PRELID2: variants seen among roughly 807,000 people sequenced by gnomAD.
The protein encoded by PRELID2 is PRELI domain-containing protein 2.
A neutral mutation model predicts 28.4 loss-of-function variants in PRELID2; 25 were observed. The observed-to-expected ratio is 0.88, with a 90% CI of 0.64 to 1.23. PRELID2 has a LOEUF of 1.23. Among genes scored for constraint, PRELID2 ranks in the 50% most tolerant of loss-of-function variants. The probability of loss-of-function intolerance (pLI) is 0.00; values close to 1 mark genes in which losing one functional copy is unlikely to be tolerated. For missense variants in PRELID2, 201 were observed against 214.4 expected (o/e 0.94, Z 0.39); for synonymous variants, 76 against 71.6 (o/e 1.06, Z -0.31).
At chr5:145,299,545 T>G in the PRELID2 span, among the ~76,000 whole-genome samples, 1 of 152,084 alleles carries the variant, frequency 6.6e-6, no homozygotes, top group Admixed American at 6.6e-5. Flanking sequence ...TTCTCTGCAC[T>G]GTGTATGTCC....
the PRELID2 span, among the ~76,000 whole-genome samples, chr5:145,454,145 A>G: frequency 6.6e-6 from 1 of 152,232 alleles, no homozygotes; most frequent in East Asian, 1.9e-4. Context: ...TGACTTTTTA[A>G]TGATCCCCAT....
intron 1 of PRELID2, among the ~76,000 whole-genome samples, chr5:145,504,733 A>G (rs957779150): frequency 6.6e-6 from 1 of 152,160 alleles, no homozygotes; most frequent in African/African-American, 2.4e-5. Flanking sequence ...ATTTTCCTTC[A>G]TAGAAGAGGC....
chr5:145,488,177 T>A (rs1481973696), intron 1 of PRELID2, among the ~76,000 whole-genome samples: 1 of 149,280 alleles, frequency 6.7e-6, no homozygotes, highest in Non-Finnish European at 1.5e-5. Flanking sequence ...CACCTTTCCA[T>A]CCTTTCTGTT....
chr5:145,311,468 A>C, the PRELID2 span, among the ~76,000 whole-genome samples: 304 of 152,308 alleles, frequency 2.0e-3, 3 homozygotes, highest in African/African-American at 5.3e-3. Context: ...ATCAGTCCTA[A>C]TGAGTGCACA....
the PRELID2 span, among the ~76,000 whole-genome samples, chr5:145,402,850 G>A: frequency 2.0e-5 from 3 of 152,108 alleles, no homozygotes; most frequent in African/African-American, 7.2e-5. Flanking sequence ...GTTTATTTCA[G>A]GTAAGTCTTT....
At chr5:145,439,286 A>T in the PRELID2 span, among the ~76,000 whole-genome samples, 2 of 152,148 alleles carry the variant, frequency 1.3e-5, no homozygotes, top group East Asian at 3.9e-4. Context: ...TGTCTTTAGG[A>T]ATCGGATGAT....
chr5:145,705,896 T>A (rs886756453), intron 1 of PRELID2, among the ~76,000 whole-genome samples: 2 of 151,294 alleles, frequency 1.3e-5, no homozygotes, highest in Non-Finnish European at 2.9e-5. Flanking sequence ...TAAAATCCAA[T>A]CTTAGCTGTG....
chr5:145,748,599 T>G (rs1329295019), intron 1 of PRELID2, among the ~76,000 whole-genome samples: 1 of 152,192 alleles, frequency 6.6e-6, no homozygotes, highest in Non-Finnish European at 1.5e-5. Flanking sequence ...ACCATTGACA[T>G]TCTTCACAGA....
chr5:145,336,640 T>C, the PRELID2 span, among the ~76,000 whole-genome samples: 23 of 152,198 alleles, frequency 1.5e-4, no homozygotes, highest in African/African-American at 5.5e-4. Context: ...TATGTCTCTG[T>C]TGCTATAAAG....
chr5:145,776,302 AGATCAACC>A (rs1198109814), intron 5 of PRELID2, among the ~76,000 whole-genome samples: 4 of 152,252 alleles, frequency 2.6e-5, no homozygotes, highest in African/African-American at 4.8e-5. Flanking sequence ...CTGAGCTCTC[AGATCAACC>A]GTTGCAGTAT....
chr5:145,711,726 G>C (rs925086477), intron 1 of PRELID2, among the ~76,000 whole-genome samples: 3 of 151,824 alleles, frequency 2.0e-5, no homozygotes, highest in Non-Finnish European at 4.4e-5. Context: ...TTACGGCTGT[G>C]TGTTGGGTGG....
chr5:145,820,261 A>G (rs1050877330), intron 2 of PRELID2, among the ~76,000 whole-genome samples: 2 of 151,732 alleles, frequency 1.3e-5, no homozygotes, highest in East Asian at 3.9e-4. Flanking sequence ...TCAATTTTCT[A>G]TTTGCAAGAT....
chr5:145,300,909 C>A, the PRELID2 span, among the ~76,000 whole-genome samples: 1 of 151,742 alleles, frequency 6.6e-6, no homozygotes, highest in Non-Finnish European at 1.5e-5. Context: ...TAAGCCAAAC[C>A]TACAGAACAA....
chr5:145,586,808 A>G (rs960684732), intron 1 of PRELID2, among the ~76,000 whole-genome samples: 2 of 152,164 alleles, frequency 1.3e-5, no homozygotes, highest in African/African-American at 4.8e-5. Context: ...GAGAACTTAC[A>G]TAACTTGTTT....
the PRELID2 span, among the ~76,000 whole-genome samples, chr5:145,370,144 T>A: frequency 1.3e-5 from 2 of 152,122 alleles, no homozygotes; most frequent in African/African-American, 4.8e-5. Flanking sequence ...ATTTGTCAAT[T>A]TTGGGTTTTG....
chr5:145,737,307 G>A (rs1434641268), intron 1 of PRELID2, among the ~76,000 whole-genome samples: 2 of 151,968 alleles, frequency 1.3e-5, no homozygotes, highest in African/African-American at 2.4e-5. Context: ...CTCAGAAGAA[G>A]CAATGTTTCC....
At chr5:145,779,141 ATAT>A (rs910046799) in intron 5 of PRELID2, among the ~76,000 whole-genome samples, 10 of 152,232 alleles carry the variant, frequency 6.6e-5, no homozygotes, top group African/African-American at 2.4e-4. Context: ...TTGGAAAATA[ATAT>A]TATAATATGT....
At chr5:145,608,239 A>G (rs1753538359) in intron 1 of PRELID2, among the ~76,000 whole-genome samples, 1 of 152,088 alleles carries the variant, frequency 6.6e-6, no homozygotes, top group African/African-American at 2.4e-5. Context: ...TTGCTCATTA[A>G]CATTCAAGGT....
chr5:145,410,400 T>C, the PRELID2 span, among the ~76,000 whole-genome samples: 1 of 152,114 alleles, frequency 6.6e-6, no homozygotes, highest in African/African-American at 2.4e-5. Flanking sequence ...AAAGAAAATC[T>C]TTGCAAACTA....
Sources: gnomAD v4.1 joint callset for allele counts (sites outside exome capture counted in the v4.1 genomes callset) on GRCh38, gnomAD v4.1.1 for gene constraint, MANE v1.5 for transcripts, NCBI Gene and HGNC (gene_info 2026-07-23, HGNC 2026-07-21) for gene names.